The following PTPRM variants were observed in gnomAD, a reference collection of about 807,000 sequenced individuals.
The protein encoded by PTPRM is receptor-type tyrosine-protein phosphatase mu.
Under a neutral mutation model 186.7 loss-of-function variants are expected in PTPRM, and 47 were observed. That is an observed-to-expected ratio of 0.25 (90% CI 0.20 to 0.32). The LOEUF (loss-of-function observed/expected upper bound fraction) is 0.32, where lower values mean the gene tolerates loss of function less well. Ranked by LOEUF, PTPRM falls within the 10% of genes least tolerant of loss-of-function variation. The pLI, the probability that PTPRM is intolerant of heterozygous loss-of-function variation, is 1.00. For missense variants in PTPRM, 1,494 were observed against 1,865.0 expected (o/e 0.80, Z 3.66); for synonymous variants, 668 against 674.9 (o/e 0.99, Z 0.16).
At chr18:7,811,962 GA>G (rs2044542862) in intron 2 of PTPRM, among the ~76,000 whole-genome samples, 1 of 152,056 alleles carries the variant, frequency 6.6e-6, no homozygotes, top group Admixed American at 6.5e-5. Flanking sequence ...AGTTTTCCAG[GA>G]TATGTTATTG....
chr18:7,784,898 G>T (rs1044756252), intron 2 of PTPRM, among the ~76,000 whole-genome samples: 1 of 152,192 alleles, frequency 6.6e-6, no homozygotes, highest in African/African-American at 2.4e-5. Context: ...AGCCCAAGGA[G>T]GCTGCCACCC....
At chr18:8,229,569 T>G (rs8091139) in intron 14 of PTPRM, among the ~76,000 whole-genome samples, 1 of 151,900 alleles carries the variant, frequency 6.6e-6, no homozygotes, top group East Asian at 1.9e-4. Context: ...ATTCCTTGAA[T>G]TTTGTTGCCA....
chr18:7,637,159 C>T (rs1218293201), intron 1 of PTPRM, among the ~76,000 whole-genome samples: 2 of 142,956 alleles, frequency 1.4e-5, no homozygotes, highest in Admixed American at 1.4e-4. Flanking sequence ...CAGAGCGAGA[C>T]CCTGACTCAA....
At chr18:7,887,926 A>G (rs1263475407) in intron 2 of PTPRM, 180 bp from the exon 3 acceptor site, 1 of 792,210 alleles carries the variant, frequency 1.3e-6, no homozygotes, top group African/African-American at 1.7e-5. Flanking sequence ...TTGAGAACAT[A>G]TAGGGGGATG....
intron 1 of PTPRM, among the ~76,000 whole-genome samples, chr18:7,581,553 G>A (rs569011065): frequency 3.3e-5 from 5 of 151,842 alleles, no homozygotes; most frequent in African/African-American, 1.2e-4. Flanking sequence ...CATTATAAAT[G>A]CATTAAACCT....
At chr18:8,272,115 G>C (rs1456694411) in intron 19 of PTPRM, among the ~76,000 whole-genome samples, 1 of 151,072 alleles carries the variant, frequency 6.6e-6, no homozygotes, top group African/African-American at 2.4e-5. Flanking sequence ...CGGGAGAGGA[G>C]AATCGCTTGA....
At chr18:8,084,658 CAAGT>C (rs1225787135) in intron 9 of PTPRM, among the ~76,000 whole-genome samples, 1 of 152,082 alleles carries the variant, frequency 6.6e-6, no homozygotes, top group African/African-American at 2.4e-5. Context: ...ACATAAATTA[CAAGT>C]AAGTTTACCT....
At chr18:7,978,687 T>C (rs1317767837) in intron 7 of PTPRM, among the ~76,000 whole-genome samples, 1 of 152,232 alleles carries the variant, frequency 6.6e-6, no homozygotes, top group East Asian at 1.9e-4. Flanking sequence ...ATAACTCTTA[T>C]TCTATACTTT....
At chr18:7,942,452 A>G (rs1347268437) in intron 5 of PTPRM, among the ~76,000 whole-genome samples, 1 of 152,082 alleles carries the variant, frequency 6.6e-6, no homozygotes, top group African/African-American at 2.4e-5. Flanking sequence ...TGCACTGAAC[A>G]AGGCCTGTTT....
At position 8,376,142 on chromosome 18, in the gene PTPRM, G is replaced by A. The variant is rs142600347; in HGVS notation, c.3268G>A (p.Val1090Met). The stretch of plus-strand genomic sequence containing the variant: ...CCATGCCACCGGCCTGCTGGGATTC[G>A]TGCGGCAAGTCAAGTCCAAGAGCCC... Reference protein sequence around the residue: ...PYHATGLLGFVRQVKSKSPPS... With the variant: ...PYHATGLLGFMRQVKSKSPPS... The change falls in exon 25 of 33, where the codon GTG becomes ATG. Residue 1090 changes from valine to methionine, a missense_variant. Val to Met is a conservative substitution (Grantham distance 21). Coordinates refer to ENST00000580170, the MANE Select transcript of PTPRM (RefSeq NM_001105244.2). The A allele has an allele frequency of 5.6e-6, 9 of 1,613,926 alleles. No individual in the cohort carries two copies. The highest frequency in any genetic ancestry group is 2.2e-5 in the East Asian group (1 of 44,874).
At chr18:8,360,161 C>G (rs538973196) in intron 23 of PTPRM, among the ~76,000 whole-genome samples, 1 of 152,352 alleles carries the variant, frequency 6.6e-6, no homozygotes, top group South Asian at 2.1e-4. Flanking sequence ...ACATCAGTAT[C>G]TCTACTTTAG....
chr18:8,012,586 G>A (rs937627239), intron 7 of PTPRM, among the ~76,000 whole-genome samples: 1 of 152,192 alleles, frequency 6.6e-6, no homozygotes, highest in Non-Finnish European at 1.5e-5. Context: ...AGGCTACCAA[G>A]TCAATAACAT....
chr18:7,736,006 C>A (rs1442556650), intron 1 of PTPRM, among the ~76,000 whole-genome samples: 1 of 152,120 alleles, frequency 6.6e-6, no homozygotes, highest in Admixed American at 6.6e-5. Flanking sequence ...CCTTTGTCTC[C>A]ATAAAATATG....
Position 7,638,766 on chromosome 18 carries a change from A to G in PTPRM, c.73+70875A>G, listed in dbSNP as rs1270157691. On this transcript the variant is annotated intron_variant, in intron 1 of 32. Coordinates refer to ENST00000580170, the MANE Select transcript of PTPRM (RefSeq NM_001105244.2). ...TGGAGCCTGCCAATTAATGCTTTTTACTCTTGATTCAGCAATAATTTGGGT... is the reference window on the plus strand; with the variant it reads ...TGGAGCCTGCCAATTAATGCTTTTTGCTCTTGATTCAGCAATAATTTGGGT... Among the ~76,000 whole-genome samples, 14 of 152,102 alleles carry G rather than the reference A, an allele frequency of 9.2e-5. 1 individual carries two copies. Among genetic ancestry groups the G allele is most frequent in the Admixed American group, 9.2e-4 (14 of 15,276 alleles).
At chr18:7,569,166 G>A (rs1567959073) in intron 1 of PTPRM, among the ~76,000 whole-genome samples, 1 of 152,164 alleles carries the variant, frequency 6.6e-6, no homozygotes, top group Non-Finnish European at 1.5e-5. Context: ...GTCCTCCGGT[G>A]CGTGGAAACC....
intron 14 of PTPRM, among the ~76,000 whole-genome samples, chr18:8,220,415 T>C (rs1033975764): frequency 2.6e-5 from 4 of 152,194 alleles, no homozygotes; most frequent in Admixed American, 2.0e-4. Context: ...TCAACACACA[T>C]ACACACACAT....
At chr18:8,088,159 T>A (rs2090527445) in intron 10 of PTPRM, among the ~76,000 whole-genome samples, 1 of 152,090 alleles carries the variant, frequency 6.6e-6, no homozygotes, top group African/African-American at 2.4e-5. Context: ...CAGCAAAAAG[T>A]CAAACCCAAG....
chr18:8,400,702 C>T (rs560738501), intron 32 of PTPRM, among the ~76,000 whole-genome samples: 135 of 152,300 alleles, frequency 8.9e-4, no homozygotes, highest in African/African-American at 3.1e-3. Context: ...AACTTACAGC[C>T]GACCCTCCAG....
intron 2 of PTPRM, among the ~76,000 whole-genome samples, chr18:7,811,120 C>G (rs993239356): frequency 1.3e-4 from 20 of 152,106 alleles, no homozygotes; most frequent in Non-Finnish European, 2.2e-4. Flanking sequence ...ATGCAAAAAT[C>G]AATAAGGTTT....
Sources: allele counts gnomAD v4.1 joint callset (sites outside exome capture counted in the v4.1 genomes callset), GRCh38; gene constraint gnomAD v4.1.1; transcripts MANE v1.5; gene names NCBI Gene and HGNC (gene_info 2026-07-23, HGNC 2026-07-21).